CD226: variants seen among roughly 807,000 people sequenced by gnomAD.
CD226 encodes the protein CD226 molecule.
Under a neutral mutation model 34.9 loss-of-function variants are expected in CD226, and 24 were observed. The ratio of observed to expected loss-of-function variants is 0.69; its 90% confidence interval spans 0.50 to 0.97. CD226 has a LOEUF of 0.97. Ranked by LOEUF, CD226 falls within the 50% of genes least tolerant of loss-of-function variation. CD226 has a pLI of 0.00. For synonymous variants in CD226, 148 were observed against 147.4 expected (o/e 1.00, Z -0.03); for missense variants, 397 against 412.7 (o/e 0.96, Z 0.33).
At chr18:69,933,158 T>C (rs932095507) in intron 2 of CD226, among the ~76,000 whole-genome samples, 1 of 152,132 alleles carries the variant, frequency 6.6e-6, no homozygotes, top group Admixed American at 6.5e-5. Context: ...GTGCCTCCTA[T>C]CTTTCTGCCT....
At chr18:69,903,699 T>C (rs146924704) in intron 2 of CD226, among the ~76,000 whole-genome samples, 65 of 151,882 alleles carry the variant, frequency 4.3e-4, no homozygotes, top group African/African-American at 1.5e-3. Flanking sequence ...AATGCAGAGA[T>C]TGGGTTGATG....
chr18:69,865,003 G>GT (rs988369638), intron 5 of CD226, among the ~76,000 whole-genome samples: 10 of 152,000 alleles, frequency 6.6e-5, no homozygotes, highest in Non-Finnish European at 1.3e-4. Context: ...AGTGTTGTTG[G>GT]TTTTTTTGAG....
At chr18:69,951,671 T>A (rs2055855338), upstream of CD226, among the ~76,000 whole-genome samples, 1 of 152,170 alleles carries the variant, frequency 6.6e-6, no homozygotes, top group Non-Finnish European at 1.5e-5. Context: ...AGACTAACAT[T>A]TCCCATTTCA....
At chr18:69,920,036 A>G (rs901826382) in intron 2 of CD226, among the ~76,000 whole-genome samples, 4 of 151,924 alleles carry the variant, frequency 2.6e-5, no homozygotes, top group African/African-American at 7.3e-5. Flanking sequence ...GCTAATTTTT[A>G]TATTTTTTTG....
intron 5 of CD226, among the ~76,000 whole-genome samples, chr18:69,865,962 C>T (rs1254782603): frequency 1.3e-5 from 2 of 152,124 alleles, no homozygotes; most frequent in African/African-American, 4.8e-5. Flanking sequence ...ACACTTATTC[C>T]TCACAGTTCT....
rs2055810981 is a variant in CD226, at chr18:69,947,712, A to C, written c.-306T>G. The C allele has an allele frequency of 3.9e-6, 1 of 254,092 alleles. No individual in the cohort carries two copies. Among genetic ancestry groups the C allele is most frequent in the East Asian group, 7.5e-5 (1 of 13,302 alleles). 15.7% of individuals were successfully genotyped at this position (254,092 alleles called of 1,614,324 possible). A position where few individuals can be genotyped will look rare whatever the true frequency, so the allele number is the denominator to read the frequency against. Reference sequence around the variant, plus strand: ...GTGCTGCATGCATTCTCTGTGCCTAACTCAGCTGTAGGCAATGAGGATACA... The same window carrying C: ...GTGCTGCATGCATTCTCTGTGCCTACCTCAGCTGTAGGCAATGAGGATACA... On this transcript the variant is annotated 5_prime_UTR_variant, in exon 1 of 6. Coordinates refer to ENST00000582621, the MANE Select transcript of CD226 (RefSeq NM_001303618.2).
chr18:69,915,962 TA>T (rs1313057745), intron 2 of CD226, among the ~76,000 whole-genome samples: 2 of 152,214 alleles, frequency 1.3e-5, no homozygotes, highest in East Asian at 3.8e-4. Context: ...AGATATACCC[TA>T]ATGTGAGGTT....
At chr18:69,938,947 G>A (rs1296810287) in intron 2 of CD226, among the ~76,000 whole-genome samples, 1 of 152,182 alleles carries the variant, frequency 6.6e-6, no homozygotes, top group Non-Finnish European at 1.5e-5. Flanking sequence ...TTAGCTGGGT[G>A]TGATGATGCA....
At chr18:69,881,206 C>T (rs889638751) in intron 3 of CD226, among the ~76,000 whole-genome samples, 1 of 152,114 alleles carries the variant, frequency 6.6e-6, no homozygotes, top group Non-Finnish European at 1.5e-5. Context: ...AGAAAATAAA[C>T]TGAAATATTA....
intron 2 of CD226, 78 bp from the exon 3 acceptor site, chr18:69,896,123 A>T: frequency 6.7e-7 from 1 of 1,495,022 alleles, no homozygotes; most frequent in Non-Finnish European, 8.9e-7. Flanking sequence ...TAATCATAAA[A>T]ATAATTGGTG....
intron 2 of CD226, among the ~76,000 whole-genome samples, chr18:69,908,987 T>C (rs76489663): frequency 1.7e-3 from 266 of 152,376 alleles, no homozygotes; most frequent in African/African-American, 6.2e-3. Context: ...TCCTGTGATA[T>C]CACTTATTCT....
At chr18:69,961,183 G>T (rs2055927979), upstream of CD226, among the ~76,000 whole-genome samples, 1 of 152,170 alleles carries the variant, frequency 6.6e-6, no homozygotes, top group African/African-American at 2.4e-5. Flanking sequence ...TTGTGTGCCT[G>T]TGTGAATATA....
chr18:69,929,854 T>C (rs1281701506), intron 2 of CD226, among the ~76,000 whole-genome samples: 1 of 152,206 alleles, frequency 6.6e-6, no homozygotes, highest in East Asian at 1.9e-4. Context: ...CAACATCGAA[T>C]ATATTATGAA....
rs1442307994 is a variant in CD226, at chr18:69,856,010, T to A, written c.*8304A>T. ...CCTATATATCTACAACATTTTTAAGTAAGAAAAGTGGGGAAATTACAAATA... is the reference window on the plus strand; with the variant it reads ...CCTATATATCTACAACATTTTTAAGAAAGAAAAGTGGGGAAATTACAAATA... On this transcript the variant is annotated 3_prime_UTR_variant, in exon 6 of 6. Coordinates refer to ENST00000582621, the MANE Select transcript of CD226 (RefSeq NM_001303618.2). The A allele has an allele frequency of 6.6e-6, 1 of 152,058 alleles. No individual in the cohort carries two copies. Among genetic ancestry groups the A allele is most frequent in the African/African-American group, 2.4e-5 (1 of 41,406 alleles). The allele number at this position is 152,058 out of a possible 1,614,324, so 9.4% of individuals were successfully genotyped here.
Position 69,863,878 on chromosome 18 carries a change from G to A in CD226, c.*436C>T, listed in dbSNP as rs1486919173. On this transcript the variant is annotated 3_prime_UTR_variant, in exon 6 of 6. Coordinates refer to ENST00000582621, the MANE Select transcript of CD226 (RefSeq NM_001303618.2). ...AAACTCTCTACCAGACAGAAACAAGGATGTATGAATTGCCAAGAGTTGGCA... is the reference window on the plus strand; with the variant it reads ...AAACTCTCTACCAGACAGAAACAAGAATGTATGAATTGCCAAGAGTTGGCA... 2 of 153,622 alleles carry A rather than the reference G, an allele frequency of 1.3e-5. No individual in the cohort carries two copies. The highest frequency in any genetic ancestry group is 4.8e-5 in the African/African-American group (2 of 41,500). The allele number at this position is 153,622 out of a possible 1,614,324, so 9.5% of individuals were successfully genotyped here.
At chr18:69,899,085 A>C (rs988646915) in intron 2 of CD226, among the ~76,000 whole-genome samples, 2 of 152,176 alleles carry the variant, frequency 1.3e-5, no homozygotes, top group Non-Finnish European at 2.9e-5. Context: ...ATCATGATTA[A>C]ATATTCTCTA....
chr18:69,959,340 A>AT (rs1236320908), upstream of CD226, among the ~76,000 whole-genome samples: 2 of 152,098 alleles, frequency 1.3e-5, no homozygotes, highest in Non-Finnish European at 2.9e-5. Context: ...TCTCTCCAAC[A>AT]TTTTTTCATG....
chr18:69,872,623 CCTT>C (rs1377104018), intron 4 of CD226, among the ~76,000 whole-genome samples: 1 of 152,150 alleles, frequency 6.6e-6, no homozygotes, highest in African/African-American at 2.4e-5. Context: ...CCCTCCAATT[CCTT>C]CTTCTCAGTA....
intron 3 of CD226, among the ~76,000 whole-genome samples, chr18:69,887,320 CAT>C (rs1984616017): frequency 1.1e-5 from 1 of 90,604 alleles, no homozygotes; most frequent in South Asian, 4.1e-4. Context: ...TACACCTACA[CAT>C]ACACACACAC....
Sources: gnomAD v4.1 joint callset for allele counts (sites outside exome capture counted in the v4.1 genomes callset) on GRCh38, gnomAD v4.1.1 for gene constraint, MANE v1.5 for transcripts, NCBI Gene and HGNC (gene_info 2026-07-23, HGNC 2026-07-21) for gene names.